XXYLT1: variants seen among roughly 807,000 people sequenced by gnomAD.
XXYLT1 encodes the protein xyloside xylosyltransferase 1.
In XXYLT1, 20 loss-of-function variants were observed where a neutral mutation model predicts 28.9. The observed-to-expected ratio is 0.69, with a 90% CI of 0.49 to 1.00. The LOEUF is 1.00. Ranked by LOEUF, XXYLT1 falls within the 50% of genes least tolerant of loss-of-function variation. The probability of loss-of-function intolerance (pLI) is 0.00; values close to 1 mark genes in which losing one functional copy is unlikely to be tolerated. For missense variants in XXYLT1, 542 were observed against 560.1 expected, an observed-to-expected ratio of 0.97 and a Z score of 0.33; for synonymous variants, 257 against 253.8, an observed-to-expected ratio of 1.01 and a Z score of -0.12.
intron 3 of XXYLT1, chr3:195,095,639 C>A (rs1335791341): frequency 6.5e-6 from 1 of 153,810 alleles, no homozygotes; most frequent in South Asian, 2.1e-4. Context: ...AGCAACAGCG[C>A]CTGATGACTC....
intron 3 of XXYLT1, among the ~76,000 whole-genome samples, chr3:195,128,128 G>T (rs1049122045): frequency 2.0e-5 from 3 of 152,158 alleles, no homozygotes; most frequent in African/African-American, 7.2e-5. Context: ...CCACTGGTGG[G>T]AGGCAGACTC....
Position 195,175,504 on chromosome 3 carries a change from T to C in XXYLT1, c.653-18923A>G, listed in dbSNP as rs971654919. 1.2e-5 allele frequency: 18 copies of C among 1,445,038 alleles called. No homozygotes were observed. The African/African-American group carries it at 1.8e-4, about 15-fold the overall frequency. 89.5% of individuals were successfully genotyped at this position (1,445,038 alleles called of 1,614,324 possible). ...GGACGACAATGAGTTCTGTGTTGCA[T>C]GTTGACTTTGCTGCACCCATGGGCT... On this transcript the variant is annotated intron_variant, in intron 2 of 3. Coordinates refer to ENST00000310380, the MANE Select transcript of XXYLT1 (RefSeq NM_152531.5).
chr3:195,077,519 G>A lies in XXYLT1; in HGVS notation c.786-7408C>T, dbSNP rs936310828. Among the ~76,000 whole-genome samples the A allele has an allele frequency of 3.9e-5, 6 of 152,102 alleles. No individual in the cohort carries two copies. The highest frequency in any genetic ancestry group is 1.2e-4 in the African/African-American group (5 of 41,416). ...GGCGGCTCCTCAGCGATCAGCCCTC[G>A]TCCACCCAGCCAGCCTCCTGGAGTC... On this transcript the variant is annotated intron_variant, in intron 3 of 3. Transcript: ENST00000310380. This position sits in a 1 kb window ranked among gnomAD's most constrained non-coding sequence, Gnocchi z 4.8.
chr3:195,093,505 G>T (rs1716228239), intron 3 of XXYLT1, among the ~76,000 whole-genome samples: 2 of 136,768 alleles, frequency 1.5e-5, no homozygotes, highest in Non-Finnish European at 3.1e-5. Flanking sequence ...ACAGGAAGGG[G>T]AATATCACAC....
rs558095963 is a variant in XXYLT1, at chr3:195,184,538, T to C, written c.653-27957A>G. On this transcript the variant is annotated intron_variant, in intron 2 of 3. Coordinates refer to ENST00000310380, the MANE Select transcript of XXYLT1 (RefSeq NM_152531.5). Reference sequence around the variant, plus strand: ...CCATACCTCAGACTATCTTAATAAATGGCCTCCTAATTCTGGAAGTTTAAG... The same window carrying C: ...CCATACCTCAGACTATCTTAATAAACGGCCTCCTAATTCTGGAAGTTTAAG... 44 of 862,572 alleles carry C rather than the reference T, an allele frequency of 5.1e-5. No homozygotes were observed. In the South Asian group the frequency reaches 1.8e-3, roughly 34 times the overall value. 53.4% of individuals were successfully genotyped at this position (862,572 alleles called of 1,614,324 possible).
At chr3:195,170,193 T>C (rs1032255516) in intron 2 of XXYLT1, among the ~76,000 whole-genome samples, 10 of 152,178 alleles carry the variant, frequency 6.6e-5, no homozygotes, top group African/African-American at 2.4e-4. Context: ...TACACACACA[T>C]ATGAAACCAG....
chr3:195,266,848 C>T (rs1725865739), intron 1 of XXYLT1, among the ~76,000 whole-genome samples: 2 of 152,178 alleles, frequency 1.3e-5, no homozygotes, highest in African/African-American at 4.8e-5. Context: ...TTCAAGTGTC[C>T]CCAGGTGATT....
chr3:195,135,861 T>C (rs1432961348), intron 3 of XXYLT1, among the ~76,000 whole-genome samples: 2 of 152,138 alleles, frequency 1.3e-5, no homozygotes, highest in East Asian at 3.8e-4. Context: ...ATTATTCTAG[T>C]GCTTCCCTAG....
chr3:195,111,059 A>G (rs1357678286), intron 3 of XXYLT1, among the ~76,000 whole-genome samples: 2 of 152,014 alleles, frequency 1.3e-5, no homozygotes, highest in African/African-American at 4.8e-5. Flanking sequence ...GAAGTCTGAG[A>G]TCATGGGTCG....
At position 195,077,545 on chromosome 3, in the gene XXYLT1, T is replaced by C. The variant is rs1209623761; in HGVS notation, c.786-7434A>G. Among the ~76,000 whole-genome samples the C allele has an allele frequency of 3.3e-5, 5 of 152,106 alleles. No individual in the cohort carries two copies. The highest frequency in any genetic ancestry group is 5.9e-5 in the Non-Finnish European group (4 of 67,996). ...TCCACCCAGCCAGCCTCCTGGAGTC[T>C]GGAATGATAAAGGTGACCCATAGTG... On this transcript the variant is annotated intron_variant, in intron 3 of 3. Transcript: ENST00000310380. This position sits in a 1 kb window ranked among gnomAD's most constrained non-coding sequence, Gnocchi z 4.8.
In XXYLT1 at chr3:195,081,902, G is replaced by C. The variant is rs77178055; in HGVS notation, c.786-11791C>G. On this transcript the variant is annotated intron_variant, in intron 3 of 3. Transcript: ENST00000310380. ...AAATCACTTCCCCTGCTGGGCGCTC[G>C]GTTCCTAAACCTATTAAATGGACGA... Among the ~76,000 whole-genome samples, 806 of 152,234 alleles carry C rather than the reference G, an allele frequency of 5.3e-3. 16 individuals are homozygous for C. Among genetic ancestry groups the C allele is most frequent in the African/African-American group, 0.019 (775 of 41,524 alleles).
intron 3 of XXYLT1, among the ~76,000 whole-genome samples, chr3:195,136,377 G>A (rs549863403): frequency 6.6e-6 from 1 of 152,138 alleles, no homozygotes; most frequent in Admixed American, 6.5e-5. Flanking sequence ...AGGTGGCTGG[G>A]TAGGAGACTG....
chr3:195,098,483 G>A (rs528608574), intron 3 of XXYLT1, among the ~76,000 whole-genome samples: 1 of 152,382 alleles, frequency 6.6e-6, no homozygotes, highest in Admixed American at 6.5e-5. Flanking sequence ...AACCCGGGAG[G>A]CGGAGCTTGC....
chr3:195,252,790 CAG>C (rs943458787), intron 1 of XXYLT1, among the ~76,000 whole-genome samples: 32 of 147,922 alleles, frequency 2.2e-4, no homozygotes, highest in East Asian at 7.9e-4. Context: ...GTGAAAAAAA[CAG>C]AAACTCACAG....
At chr3:195,120,979 A>T (rs79580586) in intron 3 of XXYLT1, among the ~76,000 whole-genome samples, 1 of 152,146 alleles carries the variant, frequency 6.6e-6, no homozygotes, top group Non-Finnish European at 1.5e-5. Flanking sequence ...CACAGGCAGG[A>T]GAGTGTGAGG....
rs987882215 is a variant in XXYLT1 at position 195,247,666 on chromosome 3, C to T, written c.505-20810G>A. ...ACAGCCCTGCCAGGCTCGAACCCTC[C>T]GACCCCAGGGCAGGCTCAGCTGCTG... On this transcript the variant is annotated intron_variant, in intron 1 of 3. Coordinates refer to ENST00000310380, the MANE Select transcript of XXYLT1 (RefSeq NM_152531.5). The T allele has an allele frequency of 2.7e-4, 159 of 586,782 alleles. 1 individual carries two copies. Among genetic ancestry groups the T allele is most frequent in the South Asian group, 1.9e-4 (10 of 51,592 alleles). The allele number at this position is 586,782 out of a possible 1,614,324, so 36.3% of individuals were successfully genotyped here.
Position 195,210,014 on chromosome 3 carries a change from C to T in XXYLT1, c.652+16695G>A, listed in dbSNP as rs1723241983. The T allele has an allele frequency of 1.3e-5, 2 of 152,788 alleles. No homozygotes were observed. Among genetic ancestry groups the T allele is most frequent in the African/African-American group, 4.8e-5 (2 of 41,444 alleles). 9.5% of individuals were successfully genotyped at this position (152,788 alleles called of 1,614,324 possible). Reference sequence around the variant, plus strand: ...CCCAGAGGCGGCTTGGCAAACACACCAGAGGGACACACAGGGATCTGACAC... The same window carrying T: ...CCCAGAGGCGGCTTGGCAAACACACTAGAGGGACACACAGGGATCTGACAC... On this transcript the variant is annotated intron_variant, in intron 2 of 3. Coordinates refer to ENST00000310380, the MANE Select transcript of XXYLT1 (RefSeq NM_152531.5). The surrounding 1 kb of genome is among the most constrained non-coding windows in gnomAD (Gnocchi z 4.8).
At chr3:195,192,692 T>C (rs1722475660) in intron 2 of XXYLT1, among the ~76,000 whole-genome samples, 1 of 152,194 alleles carries the variant, frequency 6.6e-6, no homozygotes, top group Non-Finnish European at 1.5e-5. Context: ...CCTTTCCTCC[T>C]AAGGTTGGGA....
intron 2 of XXYLT1, among the ~76,000 whole-genome samples, chr3:195,225,012 T>C (rs760665692): frequency 2.6e-4 from 40 of 152,302 alleles, no homozygotes; most frequent in South Asian, 6.2e-4. Context: ...AGGTCATGTA[T>C]GGGGCACCTG....
Sources: allele counts gnomAD v4.1 joint callset (sites outside exome capture counted in the v4.1 genomes callset), GRCh38; gene constraint gnomAD v4.1.1; non-coding constraint Gnocchi (gnomAD v3.1); transcripts MANE v1.5; gene names NCBI Gene and HGNC (gene_info 2026-07-23, HGNC 2026-07-21).